SLC6A13: variants seen among roughly 807,000 people sequenced by gnomAD.
SLC6A13 encodes the protein sodium- and chloride-dependent GABA transporter 2.
Under a neutral mutation model 72.9 loss-of-function variants are expected in SLC6A13, and 69 were observed. The observed-to-expected ratio is 0.95, with a 90% CI of 0.78 to 1.16. The LOEUF is 1.16. SLC6A13 is among the 50% of genes most tolerant of loss of function. The pLI, the probability that SLC6A13 is intolerant of heterozygous loss-of-function variation, is 0.00. For synonymous variants in SLC6A13, 303 were observed against 303.0 expected (o/e 1.00, Z 0.00); for missense variants, 735 against 760.5 (o/e 0.97, Z 0.39).
rs891460671 is a variant in SLC6A13, at chr12:223,184, C to T, written c.1362G>A (p.Met454Ile). 1.2e-6 allele frequency: 2 copies of T among 1,613,984 alleles called. No homozygotes were observed. The highest frequency in any genetic ancestry group is 1.1e-5 in the South Asian group (1 of 91,064). The change falls in exon 12 of 15, where the codon ATG (methionine) becomes ATA (isoleucine). Residue 454 changes from methionine to isoleucine, a missense_variant. By Grantham distance (10) the Met-to-Ile change is conservative. Transcript: ENST00000343164. ...CGAAGATGGCCACGAACAGGAGGCA[C>T]ATGCCACTGGCCGCATAGTAGTCAA... Reference protein sequence around the residue: ...QLFDYYAASGMCLLFVAIFES... With the variant: ...QLFDYYAASGICLLFVAIFES...
Position 259,890 on chromosome 12 carries a change from C to T in SLC6A13, c.163G>A (p.Val55Ile), listed in dbSNP as rs140679008. Reference protein sequence around the residue: ...VAGEIIGLGNVWRFPYLCYKN... With the variant: ...VAGEIIGLGNIWRFPYLCYKN... Reference sequence around the variant, plus strand: ...TAGCAGAGATAGGGAAACCTCCAGACGTTGCCTAAGCCAATGATCTCCCCA... The same window carrying T: ...TAGCAGAGATAGGGAAACCTCCAGATGTTGCCTAAGCCAATGATCTCCCCA... Residue 55 changes from valine (V) to isoleucine (I), a missense_variant, in exon 2 of 15, where the codon GTC (valine) becomes ATC (isoleucine). Physicochemically the swap from Val to Ile is conservative, Grantham distance 29. Transcript: ENST00000343164. 271 of 1,614,090 alleles carry T rather than the reference C, an allele frequency of 1.7e-4. No homozygotes were observed. Among genetic ancestry groups the T allele is most frequent in the Non-Finnish European group, 2.2e-4 (254 of 1,180,034 alleles).
chr12:221,244 G>C, intron 14 of SLC6A13, 132 bp downstream of exon 14: 1 of 1,274,204 alleles, frequency 7.8e-7, no homozygotes, highest in African/African-American at 1.5e-5. Context: ...CCACTCTATC[G>C]CTCCCTGACA....
At chr12:257,587 C>T (rs766842419) in intron 2 of SLC6A13, among the ~76,000 whole-genome samples, 32 of 152,116 alleles carry the variant, frequency 2.1e-4, no homozygotes, top group Non-Finnish European at 4.0e-4. Context: ...AGACCACAGC[C>T]GCCGCCCTGC....
Position 237,272 on chromosome 12 carries a change from G to T in SLC6A13, c.582C>A (p.Ile194=). 6.2e-7 allele frequency: 1 copy of T among 1,614,228 alleles called. No homozygotes were observed. Among genetic ancestry groups the T allele is most frequent in the Non-Finnish European group, 8.5e-7 (1 of 1,180,030 alleles). The stretch of plus-strand genomic sequence containing the variant: ...CCCCCAGGTGCTGGATCCCATCAGA[G>T]ATCTTCAAGACCCGCCGCCTGGGGA... The part of the protein sequence containing the change: ...IEFWERRVLK[I]SDGIQHLGAL... The change falls in exon 6 of 15, where the codon ATC becomes ATA. Residue 194 remains isoleucine, a synonymous_variant. Coordinates refer to ENST00000343164, the MANE Select transcript of SLC6A13 (RefSeq NM_016615.5).
rs1941968744 is a variant in SLC6A13, at chr12:237,277, T to G, written c.577A>C (p.Lys193Gln). 2 of 1,614,050 alleles carry G rather than the reference T, an allele frequency of 1.2e-6. No homozygotes were observed. The highest frequency in any genetic ancestry group is 1.7e-6 in the Non-Finnish European group (2 of 1,180,024). The change falls in exon 6 of 15, where the codon AAG (lysine) becomes CAG (glutamine). Residue 193 changes from lysine (K) to glutamine (Q), a missense_variant. Lys to Gln is a moderately conservative substitution (Grantham distance 53). Transcript: ENST00000343164. ...AGGTGCTGGATCCCATCAGAGATCT[T>G]CAAGACCCGCCGCCTGGGGAGAGAA... ...VIEFWERRVL[K>Q]ISDGIQHLGA...
intron 4 of SLC6A13, among the ~76,000 whole-genome samples, chr12:242,359 T>C (rs546187487): frequency 6.6e-6 from 1 of 152,360 alleles, no homozygotes; most frequent in African/African-American, 2.4e-5. Flanking sequence ...ATATTTCAAA[T>C]TGATTTAAGC....
intron 2 of SLC6A13, among the ~76,000 whole-genome samples, chr12:245,415 C>T (rs1942313666): frequency 1.3e-5 from 2 of 152,208 alleles, no homozygotes; most frequent in Admixed American, 1.3e-4. Context: ...GGTGCAGTGG[C>T]TCACGTCTGT....
chr12:235,748 G>T (rs780384030), intron 6 of SLC6A13, among the ~76,000 whole-genome samples: 7 of 152,194 alleles, frequency 4.6e-5, no homozygotes, highest in Non-Finnish European at 8.8e-5. Flanking sequence ...TTTTCTTCTT[G>T]CAGAGAGCCT....
At chr12:257,458 G>A (rs1328974775) in intron 2 of SLC6A13, among the ~76,000 whole-genome samples, 1 of 152,110 alleles carries the variant, frequency 6.6e-6, no homozygotes, top group Non-Finnish European at 1.5e-5. Flanking sequence ...AAGAAGTTAC[G>A]GGTAGGTAGT....
chr12:262,148 C>T (rs1176544411), intron 1 of SLC6A13, among the ~76,000 whole-genome samples: 2 of 152,114 alleles, frequency 1.3e-5, no homozygotes, highest in Non-Finnish European at 2.9e-5. Context: ...TTCCCTTCTC[C>T]ACCCTCCCAG....
chr12:241,857 C>T (rs1488062356), intron 4 of SLC6A13, among the ~76,000 whole-genome samples: 2 of 152,238 alleles, frequency 1.3e-5, no homozygotes, highest in African/African-American at 2.4e-5. Context: ...CATAGCAACG[C>T]TTCAGCCAAC....
intron 7 of SLC6A13, among the ~76,000 whole-genome samples, chr12:231,478 C>T (rs1399196612): frequency 1.3e-5 from 2 of 152,174 alleles, no homozygotes; most frequent in South Asian, 2.1e-4. Flanking sequence ...TGGCAAAGCA[C>T]CCCCACCCTG....
chr12:244,191 A>G (rs148093857), intron 2 of SLC6A13, among the ~76,000 whole-genome samples: 1 of 152,330 alleles, frequency 6.6e-6, no homozygotes, highest in East Asian at 1.9e-4. Context: ...ATTGCTCTTA[A>G]CGTCAGGTAG....
chr12:237,985 G>T lies in SLC6A13; in HGVS notation c.504C>A (p.Thr168=). The change falls in exon 5 of 15, where the codon ACC becomes ACA. Residue 168 remains threonine (T), a synonymous_variant. Transcript: ENST00000343164. ...NTEHCMEFQK[T]NGSLNGTSEN... ...CAGAGGTACCATTCAGGGAGCCGTT[G>T]GTCTTCTGGAACTCCATACAGTGTT... The T allele has an allele frequency of 1.2e-6, 2 of 1,614,002 alleles. No individual in the cohort carries two copies. Among genetic ancestry groups the T allele is most frequent in the Non-Finnish European group, 1.7e-6 (2 of 1,179,906 alleles).
rs770736821 is a variant in SLC6A13, at chr12:259,886, C to A, written c.167G>T (p.Trp56Leu). ...TTTGTAGCAGAGATAGGGAAACCTC[C>A]AGACGTTGCCTAAGCCAATGATCTC... is the stretch of plus-strand genomic sequence containing the variant. ...AGEIIGLGNV[W>L]RFPYLCYKNG... Residue 56 changes from tryptophan to leucine, a missense_variant, in exon 2 of 15, where the codon TGG (tryptophan) becomes TTG (leucine). Coordinates refer to ENST00000343164, the MANE Select transcript of SLC6A13 (RefSeq NM_016615.5). 1 of 1,614,186 alleles carries A rather than the reference C, an allele frequency of 6.2e-7. No individual in the cohort carries two copies. The highest frequency in any genetic ancestry group is 8.5e-7 in the Non-Finnish European group (1 of 1,180,022).
At chr12:223,944 T>A (rs1482756725) in intron 11 of SLC6A13, 48 bp downstream of exon 11, 1 of 1,607,806 alleles carries the variant, frequency 6.2e-7, no homozygotes, top group South Asian at 1.1e-5. Context: ...GTAGCAGCTG[T>A]CACTTGGCTC....
intron 3 of SLC6A13, 49 bp downstream of exon 3, chr12:243,630 T>G: frequency 6.3e-7 from 1 of 1,583,166 alleles, no homozygotes; most frequent in Non-Finnish European, 8.6e-7. Context: ...CAAACAAGGT[T>G]TATAACCACG....
At chr12:223,859 A>T in intron 11 of SLC6A13, 133 bp downstream of exon 11, 1 of 997,726 alleles carries the variant, frequency 1.0e-6, no homozygotes, top group South Asian at 1.5e-5. Context: ...GGATGGGGAA[A>T]AGAGGGAGTC....
At chr12:251,030 C>CTCGCGAGGCTA (rs1380167150) in intron 2 of SLC6A13, among the ~76,000 whole-genome samples, 2 of 151,814 alleles carry the variant, frequency 1.3e-5, no homozygotes, top group Non-Finnish European at 2.9e-5. Context: ...GTGGTGGGCA[C>CTCGCGAGGCTA]CTGTAGTCCC....
Sources: allele counts gnomAD v4.1 joint callset (sites outside exome capture counted in the v4.1 genomes callset), GRCh38; gene constraint gnomAD v4.1.1; transcripts MANE v1.5; gene names NCBI Gene and HGNC (gene_info 2026-07-23, HGNC 2026-07-21).